Variants in SETBP1 observed in about 807,000 individuals in gnomAD.
SETBP1 encodes SET binding protein 1.
Under a neutral mutation model 101.0 loss-of-function variants are expected in SETBP1, and 9 were observed. The observed-to-expected ratio is 0.09, with a 90% CI of 0.05 to 0.16. The LOEUF is 0.16. SETBP1 is among the 10% of genes least tolerant of loss of function. The pLI is 1.00. For missense variants in SETBP1, 1,858 were observed against 2,033.8 expected (o/e 0.91, Z 1.66); for synonymous variants, 818 against 788.5 (o/e 1.04, Z -0.63).
At chr18:44,742,238 A>G (rs2070115162) in intron 2 of SETBP1, among the ~76,000 whole-genome samples, 1 of 152,226 alleles carries the variant, frequency 6.6e-6, no homozygotes, top group Non-Finnish European at 1.5e-5. Context: ...CAGACAAAGC[A>G]ATGCAGCAAA....
intron 4 of SETBP1, among the ~76,000 whole-genome samples, chr18:45,010,242 G>A (rs1467426007): frequency 6.6e-6 from 1 of 152,152 alleles, no homozygotes; most frequent in Non-Finnish European, 1.5e-5. Flanking sequence ...GGACCCAAAA[G>A]CATGTTGGTT....
intron 3 of SETBP1, among the ~76,000 whole-genome samples, chr18:44,892,640 C>T (rs559913045): frequency 3.9e-5 from 6 of 152,170 alleles, no homozygotes; most frequent in Middle Eastern, 3.4e-3. Context: ...GGCTGGACAG[C>T]TTTTATTGTT....
intron 5 of SETBP1, 64 bp downstream of exon 5, chr18:45,038,719 A>AGAAT: frequency 6.4e-7 from 1 of 1,560,244 alleles, no homozygotes; most frequent in Non-Finnish European, 8.8e-7. Flanking sequence ...AAGCCCACTG[A>AGAAT]GAATGGCCTG....
At chr18:44,894,421 G>T (rs1249527129) in intron 3 of SETBP1, among the ~76,000 whole-genome samples, 1 of 151,510 alleles carries the variant, frequency 6.6e-6, no homozygotes, top group Non-Finnish European at 1.5e-5. Flanking sequence ...ACCCTTCTAT[G>T]TAGCAATGTC....
At chr18:45,013,918 A>G (rs2072891400) in intron 4 of SETBP1, among the ~76,000 whole-genome samples, 1 of 152,238 alleles carries the variant, frequency 6.6e-6, no homozygotes, top group Admixed American at 6.5e-5. Context: ...GTGGTGTCCA[A>G]GACACTTGGG....
At chr18:44,774,274 G>A (rs1568136476) in intron 2 of SETBP1, among the ~76,000 whole-genome samples, 1 of 152,122 alleles carries the variant, frequency 6.6e-6, no homozygotes, top group Admixed American at 6.6e-5. Context: ...ATAGAAAATT[G>A]TTCCATCTGA....
chr18:44,918,001 A>G (rs2070482186), intron 3 of SETBP1, among the ~76,000 whole-genome samples: 1 of 152,134 alleles, frequency 6.6e-6, no homozygotes, highest in Non-Finnish European at 1.5e-5. Flanking sequence ...CTTGTTCACC[A>G]TGGCCCTCCC....
At chr18:44,751,878 T>A (rs772354490) in intron 2 of SETBP1, among the ~76,000 whole-genome samples, 4 of 152,204 alleles carry the variant, frequency 2.6e-5, no homozygotes, top group Non-Finnish European at 5.9e-5. Flanking sequence ...CACTTCTTGG[T>A]GAGGGCTCTC....
At chr18:44,697,707 T>C (rs2069043159) in intron 1 of SETBP1, among the ~76,000 whole-genome samples, 1 of 152,156 alleles carries the variant, frequency 6.6e-6, no homozygotes, top group Admixed American at 6.5e-5. Flanking sequence ...TAGAAGACAA[T>C]ACAAGGCTGG....
chr18:45,031,935 G>T (rs2073305017), intron 4 of SETBP1, among the ~76,000 whole-genome samples: 1 of 152,082 alleles, frequency 6.6e-6, no homozygotes, highest in South Asian at 2.1e-4. Context: ...CTCAGTATTT[G>T]TTTTTTTACA....
intron 3 of SETBP1, among the ~76,000 whole-genome samples, chr18:44,901,810 C>CAAGCATTCTTAGAA (rs1282187483): frequency 6.6e-6 from 1 of 152,200 alleles, no homozygotes; most frequent in Non-Finnish European, 1.5e-5. Flanking sequence ...TACCCAGGGA[C>CAAGCATTCTTAGAA]AAGCATTCTT....
chr18:44,749,229 A>C (rs1261458719), intron 2 of SETBP1, among the ~76,000 whole-genome samples: 1 of 152,090 alleles, frequency 6.6e-6, no homozygotes, highest in Non-Finnish European at 1.5e-5. Flanking sequence ...TACATTCATT[A>C]CCCCTCGTTG....
chr18:44,698,544 C>T (rs1286907436), intron 1 of SETBP1, among the ~76,000 whole-genome samples: 1 of 152,150 alleles, frequency 6.6e-6, no homozygotes, highest in African/African-American at 2.4e-5. Flanking sequence ...GACGTGGCCT[C>T]ACGTCTTCCC....
chr18:44,898,575 G>T (rs2069962909), intron 3 of SETBP1, among the ~76,000 whole-genome samples: 1 of 152,030 alleles, frequency 6.6e-6, no homozygotes, highest in Non-Finnish European at 1.5e-5. Context: ...CCTGAGTTTG[G>T]GGAAGGAAGC....
intron 3 of SETBP1, among the ~76,000 whole-genome samples, chr18:44,918,434 A>C (rs1399309306): frequency 6.6e-6 from 1 of 152,168 alleles, no homozygotes; most frequent in Non-Finnish European, 1.5e-5. Context: ...TGAAAAGACC[A>C]CTTGACTCTG....
At chr18:44,860,295 A>G (rs1488528632) in intron 2 of SETBP1, among the ~76,000 whole-genome samples, 11 of 152,164 alleles carry the variant, frequency 7.2e-5, no homozygotes, top group Non-Finnish European at 4.4e-5. Context: ...AGATGCTTGC[A>G]ATGTGATTTC....
chr18:44,936,181 G>A (rs1295025295), intron 3 of SETBP1, among the ~76,000 whole-genome samples: 2 of 152,162 alleles, frequency 1.3e-5, no homozygotes, highest in African/African-American at 2.4e-5. Context: ...CCAGCCCAGG[G>A]CTCCCAGGAC....
At chr18:44,976,320 G>T (rs971900758) in intron 4 of SETBP1, among the ~76,000 whole-genome samples, 1 of 152,284 alleles carries the variant, frequency 6.6e-6, no homozygotes. Context: ...AGCTTGGCTC[G>T]CATTTGAGAT....
rs2145102596 is a variant in SETBP1 at position 44,951,404 on chromosome 18, T to A, written c.2064T>A (p.Val688=). Residue 688 remains valine, a synonymous_variant, in exon 4 of 6, where the codon GTT becomes GTA. Coordinates refer to ENST00000649279, the MANE Select transcript of SETBP1 (RefSeq NM_015559.3). This position sits in a 1 kb window ranked among gnomAD's most constrained non-coding sequence, Gnocchi z 7.8. The part of the protein sequence containing the change: ...LNQILSCSSS[V]ALKAKAPPET... ...AGATCTTGTCCTGTTCCAGCAGCGTTGCTCTGAAGGCAAAAGCTCCCCCAG... is the reference window on the plus strand; with the variant it reads ...AGATCTTGTCCTGTTCCAGCAGCGTAGCTCTGAAGGCAAAAGCTCCCCCAG... 6.2e-7 allele frequency: 1 copy of A among 1,614,092 alleles called. No homozygotes were observed. The highest frequency in any genetic ancestry group is 8.5e-7 in the Non-Finnish European group (1 of 1,180,014).
Sources: allele counts gnomAD v4.1 joint callset (sites outside exome capture counted in the v4.1 genomes callset), GRCh38; gene constraint gnomAD v4.1.1; non-coding constraint Gnocchi (gnomAD v3.1); transcripts MANE v1.5; gene names NCBI Gene and HGNC (gene_info 2026-07-23, HGNC 2026-07-21).